Variants in MAF observed in about 807,000 individuals in gnomAD.
MAF encodes MAF bZIP transcription factor, also known as transcription factor Maf.
MAF carries 10 observed loss-of-function variants against 22.0 expected under a neutral mutation model. The ratio of observed to expected loss-of-function variants is 0.45; its 90% CI spans 0.28 to 0.77. MAF has a LOEUF of 0.77. Ranked by LOEUF, MAF falls within the 30% of genes least tolerant of loss-of-function variation. MAF has a pLI of 0.12. For missense variants in MAF, 544 were observed against 548.4 expected, an observed-to-expected ratio of 0.99 and a Z score of 0.08; for synonymous variants, 337 against 255.8, an observed-to-expected ratio of 1.32 and a Z score of -3.03.
At chr16:79,354,339 G>C in the MAF span, among the ~76,000 whole-genome samples, 1 of 152,086 alleles carries the variant, frequency 6.6e-6, no homozygotes, top group Non-Finnish European at 1.5e-5. Flanking sequence ...CAACAGGAGA[G>C]GAACACACGA....
At chr16:79,296,983 T>C in the MAF span, among the ~76,000 whole-genome samples, 2 of 152,230 alleles carry the variant, frequency 1.3e-5, no homozygotes, top group African/African-American at 2.4e-5. Context: ...TGTTCCTCAA[T>C]GGCAGGGAAC....
chr16:79,481,222 C>T, the MAF span, among the ~76,000 whole-genome samples: 7 of 124,314 alleles, frequency 5.6e-5, no homozygotes, highest in African/African-American at 1.7e-4. Flanking sequence ...TCTTTGTTCT[C>T]TTTCCACAAC....
the MAF span, among the ~76,000 whole-genome samples, chr16:79,417,828 T>A: frequency 5.3e-5 from 8 of 151,924 alleles, no homozygotes; most frequent in African/African-American, 1.9e-4. Flanking sequence ...GATAAGACGC[T>A]GCTGGAGAGC....
the MAF span, among the ~76,000 whole-genome samples, chr16:79,482,053 G>C: frequency 6.6e-6 from 1 of 152,276 alleles, no homozygotes; most frequent in East Asian, 1.9e-4. Flanking sequence ...GCAGGGGTTC[G>C]GGGGCAGGCA....
At chr16:79,551,194 G>C in the MAF span, among the ~76,000 whole-genome samples, 1 of 152,086 alleles carries the variant, frequency 6.6e-6, no homozygotes, top group South Asian at 2.1e-4. Context: ...TAAAGGTGCT[G>C]GATCTCCCAC....
At chr16:79,371,640 C>G in the MAF span, among the ~76,000 whole-genome samples, 1 of 152,148 alleles carries the variant, frequency 6.6e-6, no homozygotes, top group Non-Finnish European at 1.5e-5. Flanking sequence ...GTGTGAAATG[C>G]CTTTCCCTAA....
At chr16:79,321,645 CTTTTTTTT>C in the MAF span, among the ~76,000 whole-genome samples, 378 of 86,974 alleles carry the variant, frequency 4.3e-3, 2 homozygotes, top group African/African-American at 0.014. Flanking sequence ...TTTTCTTTTT[CTTTTTTTT>C]TTTTTTTTTT....
the MAF span, among the ~76,000 whole-genome samples, chr16:79,547,094 A>T: frequency 6.6e-6 from 1 of 152,128 alleles, no homozygotes; most frequent in South Asian, 2.1e-4. Context: ...CTGAAATCAG[A>T]CGTATCTAGC....
the MAF span, among the ~76,000 whole-genome samples, chr16:79,368,279 C>G: frequency 6.6e-6 from 1 of 152,138 alleles, no homozygotes; most frequent in African/African-American, 2.4e-5. Context: ...GCTCTTGAGG[C>G]TCCAGATTCT....
the MAF span, among the ~76,000 whole-genome samples, chr16:79,297,562 G>A: frequency 6.6e-6 from 1 of 152,170 alleles, no homozygotes; most frequent in Non-Finnish European, 1.5e-5. Context: ...AGCTTCCCCG[G>A]CTATAAATGG....
the MAF span, among the ~76,000 whole-genome samples, chr16:79,218,244 C>A: frequency 1.4e-5 from 2 of 138,610 alleles, no homozygotes; most frequent in African/African-American, 2.6e-5. Context: ...CCCTTCCCCC[C>A]TCAAAGTCAT....
At chr16:79,521,656 C>G in the MAF span, among the ~76,000 whole-genome samples, 16 of 152,206 alleles carry the variant, frequency 1.1e-4, no homozygotes, top group African/African-American at 3.9e-4. Context: ...ACGCATCACG[C>G]AGCCACATCT....
At chr16:79,479,133 C>T in the MAF span, among the ~76,000 whole-genome samples, 1 of 151,594 alleles carries the variant, frequency 6.6e-6, no homozygotes, top group African/African-American at 2.4e-5. Context: ...CATTCTGGTG[C>T]ACCTGTGCAC....
At chr16:79,444,951 ATG>A in the MAF span, among the ~76,000 whole-genome samples, 1 of 151,604 alleles carries the variant, frequency 6.6e-6, no homozygotes, top group Non-Finnish European at 1.5e-5. Context: ...TGCTACGTGT[ATG>A]TGAGAGTGGA....
At chr16:79,432,560 A>C in the MAF span, among the ~76,000 whole-genome samples, 1 of 152,180 alleles carries the variant, frequency 6.6e-6, no homozygotes, top group South Asian at 2.1e-4. Context: ...TTTGTACCAC[A>C]GTAACTGAAA....
chr16:79,222,219 T>A, the MAF span, among the ~76,000 whole-genome samples: 1 of 152,138 alleles, frequency 6.6e-6, no homozygotes, highest in African/African-American at 2.4e-5. Flanking sequence ...AACCCAGGAT[T>A]TCATATCCAG....
the MAF span, among the ~76,000 whole-genome samples, chr16:79,453,439 T>C: frequency 2.6e-5 from 4 of 152,356 alleles, no homozygotes; most frequent in African/African-American, 9.6e-5. Context: ...TAAAGGACCA[T>C]TCTGCCATCA....
chr16:79,554,602 T>C, the MAF span, among the ~76,000 whole-genome samples: 918 of 152,218 alleles, frequency 6.0e-3, 5 homozygotes, highest in Non-Finnish European at 9.4e-3. Context: ...CCCCTTTGTC[T>C]CTACTGATGC....
the MAF span, among the ~76,000 whole-genome samples, chr16:79,295,083 T>G: frequency 6.6e-6 from 1 of 151,860 alleles, no homozygotes; most frequent in Non-Finnish European, 1.5e-5. Flanking sequence ...ATATACTTTT[T>G]TTGGGGGTGG....
Sources: allele counts gnomAD v4.1 joint callset (sites outside exome capture counted in the v4.1 genomes callset), GRCh38; gene constraint gnomAD v4.1.1; transcripts MANE v1.5; gene names NCBI Gene and HGNC (gene_info 2026-07-23, HGNC 2026-07-21).